The following FARS2 variants were observed in gnomAD, a reference collection of about 807,000 sequenced individuals.
The protein encoded by FARS2 is phenylalanine--tRNA ligase, mitochondrial.
A neutral mutation model predicts 46.4 loss-of-function variants in FARS2; 40 were observed. The ratio of observed to expected loss-of-function variants is 0.86; its 90% CI spans 0.67 to 1.12. The LOEUF is 1.12. Among genes scored for constraint, FARS2 ranks in the 50% most tolerant of loss-of-function variants. The pLI, the probability that FARS2 is intolerant of heterozygous loss-of-function variation, is 0.00. For synonymous variants in FARS2, 234 were observed against 214.9 expected (o/e 1.09, Z -0.78); for missense variants, 513 against 567.9 (o/e 0.90, Z 0.98).
At chr6:5,423,448 CA>C (rs1248708638) in intron 3 of FARS2, among the ~76,000 whole-genome samples, 1 of 151,960 alleles carries the variant, frequency 6.6e-6, no homozygotes, top group Non-Finnish European at 1.5e-5. Flanking sequence ...AGAGGAGTCC[CA>C]GGGGAACAGT....
intron 4 of FARS2, among the ~76,000 whole-genome samples, chr6:5,507,752 A>T (rs1440196999): frequency 6.6e-6 from 1 of 152,236 alleles, no homozygotes; most frequent in South Asian, 2.1e-4. Flanking sequence ...GACTGCGGAC[A>T]CGCCATGATG....
intron 6 of FARS2, among the ~76,000 whole-genome samples, chr6:5,754,097 T>G (rs937012556): frequency 7.9e-5 from 12 of 152,276 alleles, no homozygotes; most frequent in African/African-American, 2.2e-4. Context: ...AACTGCTATC[T>G]TTTATTGAGT....
At chr6:5,581,214 G>A (rs552804461) in intron 5 of FARS2, among the ~76,000 whole-genome samples, 11 of 152,328 alleles carry the variant, frequency 7.2e-5, no homozygotes, top group African/African-American at 2.6e-4. Flanking sequence ...CCTTAGCACC[G>A]AGTGCAGCTG....
rs77510274 is a variant in FARS2, at chr6:5,769,932, G to A, written c.1218-1359G>A. 7.5e-3 allele frequency among the ~76,000 whole-genome samples: 1,149 copies of A among 152,324 alleles called. 10 individuals are homozygous for A. Among genetic ancestry groups the A allele is most frequent in the African/African-American group, 0.026 (1,078 of 41,556 alleles). ...GGACAAAGATGACCAAGCCAGGGTG[G>A]GAGAGAGGGGAGGAGACACTGGAAG... On this transcript the variant is annotated intron_variant, in intron 6 of 6. Coordinates refer to ENST00000274680, the MANE Select transcript of FARS2 (RefSeq NM_006567.5).
intron 1 of FARS2, among the ~76,000 whole-genome samples, chr6:5,316,196 G>A (rs1052575029): frequency 2.0e-5 from 3 of 152,250 alleles, no homozygotes; most frequent in Non-Finnish European, 2.9e-5. Flanking sequence ...GACTGGCACT[G>A]TAGGAAGGAT....
intron 1 of FARS2, among the ~76,000 whole-genome samples, chr6:5,296,654 G>C (rs115897142): frequency 6.6e-6 from 1 of 152,124 alleles, no homozygotes; most frequent in African/African-American, 2.4e-5. Context: ...TAGGAACTTC[G>C]TATGAGTGGA....
the FARS2 span, among the ~76,000 whole-genome samples, chr6:5,254,566 A>G: frequency 1.4e-4 from 21 of 152,356 alleles, no homozygotes; most frequent in African/African-American, 4.8e-4. Context: ...CACTAGGAAT[A>G]GAGATAAGAC....
At chr6:5,766,585 A>T (rs1296942461) in intron 6 of FARS2, among the ~76,000 whole-genome samples, 2 of 152,252 alleles carry the variant, frequency 1.3e-5, no homozygotes, top group African/African-American at 4.8e-5. Flanking sequence ...CACTTCTTAG[A>T]GGACATTGGG....
chr6:5,385,493 C>A (rs1440992514), intron 2 of FARS2, among the ~76,000 whole-genome samples: 1 of 151,246 alleles, frequency 6.6e-6, no homozygotes, highest in Non-Finnish European at 1.5e-5. Flanking sequence ...ATGACCTCGG[C>A]TCACTGCAAC....
chr6:5,608,904 A>G (rs1582572606), intron 5 of FARS2, among the ~76,000 whole-genome samples: 1 of 151,692 alleles, frequency 6.6e-6, no homozygotes, highest in African/African-American at 2.4e-5. Flanking sequence ...AAAAAAAGAC[A>G]TTTATTCAGT....
chr6:5,327,341 T>A (rs1770465056), intron 1 of FARS2, among the ~76,000 whole-genome samples: 1 of 152,192 alleles, frequency 6.6e-6, no homozygotes, highest in African/African-American at 2.4e-5. Context: ...ATTTTGGAGA[T>A]TATGTGAAGC....
intron 4 of FARS2, among the ~76,000 whole-genome samples, chr6:5,439,780 T>C (rs544609864): frequency 1.3e-5 from 2 of 152,332 alleles, no homozygotes; most frequent in African/African-American, 2.4e-5. Flanking sequence ...TTGAGGCCAG[T>C]TAGTTGAGAT....
intron 2 of FARS2, among the ~76,000 whole-genome samples, chr6:5,373,259 T>C (rs535659560): frequency 6.6e-6 from 1 of 152,274 alleles, no homozygotes; most frequent in Admixed American, 6.5e-5. Context: ...CAGTGACTAC[T>C]GACGTCATCT....
intron 5 of FARS2, among the ~76,000 whole-genome samples, chr6:5,549,536 A>G (rs1331564469): frequency 6.6e-6 from 1 of 151,846 alleles, no homozygotes; most frequent in Non-Finnish European, 1.5e-5. Context: ...TCTCTCCTTC[A>G]TCTTTTGTCA....
Position 5,546,049 on chromosome 6 carries a change from A to G in FARS2, c.1065+709A>G, listed in dbSNP as rs570386334. Among the ~76,000 whole-genome samples the G allele has an allele frequency of 1.1e-4, 16 of 151,974 alleles. No individual in the cohort carries two copies. The East Asian group carries it at 3.1e-3, about 30-fold the overall frequency. On this transcript the variant is annotated intron_variant, in intron 5 of 6. Coordinates refer to ENST00000274680, the MANE Select transcript of FARS2 (RefSeq NM_006567.5). ...AGACTGAGGCAGGAGAATCACTTGA[A>G]CCCAGGAGGCAGAGGTTGCAGTCAG...
intron 4 of FARS2, among the ~76,000 whole-genome samples, chr6:5,454,251 T>A (rs1373721285): frequency 6.6e-6 from 1 of 152,020 alleles, no homozygotes; most frequent in East Asian, 1.9e-4. Flanking sequence ...TTGTGAATGC[T>A]GTCAAATAAT....
chr6:5,672,288 A>G, intron 6 of FARS2, among the ~76,000 whole-genome samples: 1 of 152,146 alleles, frequency 6.6e-6, no homozygotes, highest in East Asian at 1.9e-4. Context: ...TATCCAGGAC[A>G]GCCACCTCAG....
At chr6:5,759,181 TC>T (rs1481695104) in intron 6 of FARS2, among the ~76,000 whole-genome samples, 1 of 152,128 alleles carries the variant, frequency 6.6e-6, no homozygotes, top group East Asian at 1.9e-4. Flanking sequence ...ATATGTGCCA[TC>T]CCCTCTGTCT....
chr6:5,259,317 G>A (rs115540884), upstream of FARS2, among the ~76,000 whole-genome samples: 915 of 152,150 alleles, frequency 6.0e-3, 10 homozygotes, highest in South Asian at 0.044. Context: ...AGTACTTGGT[G>A]CTAGGTGTTT....
Sources: allele counts gnomAD v4.1 joint callset (sites outside exome capture counted in the v4.1 genomes callset), GRCh38; gene constraint gnomAD v4.1.1; transcripts MANE v1.5; gene names NCBI Gene and HGNC (gene_info 2026-07-23, HGNC 2026-07-21).